FOXP1: variants seen among roughly 807,000 people sequenced by gnomAD.
FOXP1 encodes the protein forkhead box P1, also known as forkhead box protein P1.
Under a neutral mutation model 98.2 loss-of-function variants are expected in FOXP1, and 15 were observed. That is an observed-to-expected ratio of 0.15 (90% CI 0.10 to 0.24). The LOEUF is 0.24. FOXP1 is among the 10% of genes least tolerant of loss of function. FOXP1 has a pLI of 1.00. For missense variants in FOXP1, 633 were observed against 848.5 expected (o/e 0.75, Z 3.15); for synonymous variants, 371 against 314.5 (o/e 1.18, Z -1.90).
intron 6 of FOXP1, among the ~76,000 whole-genome samples, chr3:71,133,211 G>A (rs1420074728): frequency 6.6e-6 from 1 of 152,158 alleles, no homozygotes. Flanking sequence ...ATTTCTCATG[G>A]CCATTAGAAG....
At chr3:71,201,588 A>G (rs1385302092) in intron 5 of FOXP1, among the ~76,000 whole-genome samples, 1 of 152,140 alleles carries the variant, frequency 6.6e-6, no homozygotes. Context: ...CAGAGGTTGC[A>G]GTGAGCAGAC....
At chr3:71,060,637 TC>T in intron 7 of FOXP1, among the ~76,000 whole-genome samples, 1 of 152,230 alleles carries the variant, frequency 6.6e-6, no homozygotes, top group South Asian at 2.1e-4. Context: ...TAATGTATTC[TC>T]CCCTGTGTCA....
intron 5 of FOXP1, among the ~76,000 whole-genome samples, chr3:71,225,419 T>C (rs2065754615): frequency 6.6e-6 from 1 of 152,182 alleles, no homozygotes; most frequent in South Asian, 2.1e-4. Context: ...TCTAGGATAA[T>C]AAAAGCATGT....
In FOXP1 at chr3:71,001,053, G is replaced by A. The variant is rs2042064712; in HGVS notation, c.981C>T (p.Leu327=). The part of the protein sequence containing the change: ...CEDFQSFLKH[L]NSEHALDDRS... ...TATCGTCCAGCGCATGCTCACTGTT[G>A]AGATGTCTGCAACAATACATAGAAA... is the stretch of plus-strand genomic sequence containing the variant. The change falls in exon 13 of 21, where the codon CTC becomes CTT. Residue 327 remains leucine (L), a synonymous_variant. Coordinates refer to ENST00000649528, the MANE Select transcript of FOXP1 (RefSeq NM_001349338.3). 6.2e-7 allele frequency: 1 copy of A among 1,610,666 alleles called. No individual in the cohort carries two copies. Among genetic ancestry groups the A allele is most frequent in the Non-Finnish European group, 8.5e-7 (1 of 1,177,144 alleles).
intron 10 of FOXP1, 132 bp downstream of exon 10, chr3:71,046,810 C>T (rs2049092028): frequency 9.0e-7 from 1 of 1,106,668 alleles, no homozygotes; most frequent in Admixed American, 1.7e-5. Flanking sequence ...CATTATCCCA[C>T]TCCACTTTTC....
chr3:71,465,177 C>T (rs1487882880), intron 3 of FOXP1, among the ~76,000 whole-genome samples: 1 of 151,916 alleles, frequency 6.6e-6, no homozygotes, highest in Non-Finnish European at 1.5e-5. Flanking sequence ...CGTGGTGGCA[C>T]ATGTCTGTAA....
chr3:70,965,169 CTT>C (rs908855502), intron 20 of FOXP1, among the ~76,000 whole-genome samples: 14 of 152,210 alleles, frequency 9.2e-5, no homozygotes, highest in African/African-American at 3.1e-4. Context: ...TGTTTGAAAA[CTT>C]TTCCTGGGAG....
At chr3:71,007,173 A>G (rs2042915797) in intron 12 of FOXP1, among the ~76,000 whole-genome samples, 1 of 152,188 alleles carries the variant, frequency 6.6e-6, no homozygotes, top group Non-Finnish European at 1.5e-5. Context: ...AAAATGCATG[A>G]TAAGTAGAAA....
intron 7 of FOXP1, among the ~76,000 whole-genome samples, chr3:71,099,810 A>G (rs1487141469): frequency 6.6e-6 from 1 of 152,160 alleles, no homozygotes. Context: ...TACAATCTCC[A>G]AAACTCAACC....
intron 3 of FOXP1, among the ~76,000 whole-genome samples, chr3:71,366,538 G>T (rs554904706): frequency 2.0e-3 from 301 of 152,122 alleles, no homozygotes; most frequent in Admixed American, 4.3e-3. Flanking sequence ...ATGGGATTAC[G>T]GTCAGGATTT....
chr3:71,413,307 AGT>A (rs1321468370), intron 3 of FOXP1, among the ~76,000 whole-genome samples: 158 of 146,278 alleles, frequency 1.1e-3, no homozygotes, highest in African/African-American at 3.9e-3. Context: ...ACAGCCAACC[AGT>A]ATGGAACTGG....
chr3:71,362,280 T>C (rs1325875557), intron 3 of FOXP1, among the ~76,000 whole-genome samples: 7 of 152,210 alleles, frequency 4.6e-5, no homozygotes, highest in African/African-American at 1.7e-4. Flanking sequence ...CAAGCAATTC[T>C]TCTGCCTCAG....
At chr3:71,511,648 T>C (rs2042212991) in intron 2 of FOXP1, among the ~76,000 whole-genome samples, 1 of 152,224 alleles carries the variant, frequency 6.6e-6, no homozygotes, top group Non-Finnish European at 1.5e-5. Flanking sequence ...GACTTCCTTT[T>C]TTTTGGTTTT....
At chr3:71,266,844 T>C (rs1162849386) in intron 5 of FOXP1, among the ~76,000 whole-genome samples, 1 of 152,234 alleles carries the variant, frequency 6.6e-6, no homozygotes, top group Non-Finnish European at 1.5e-5. Flanking sequence ...GTTTCTGAGT[T>C]ATTTCACTTA....
intron 6 of FOXP1, among the ~76,000 whole-genome samples, chr3:71,144,958 T>A (rs1045215239): frequency 6.6e-6 from 1 of 152,210 alleles, no homozygotes; most frequent in African/African-American, 2.4e-5. Flanking sequence ...ATTGGCTTTT[T>A]TTGACTTAAT....
At chr3:71,301,715 A>T (rs1237637227) in intron 4 of FOXP1, among the ~76,000 whole-genome samples, 1 of 152,146 alleles carries the variant, frequency 6.6e-6, no homozygotes, top group Non-Finnish European at 1.5e-5. Context: ...TTAAAATTTA[A>T]TTTTTTTAAA....
chr3:71,356,116 G>C (rs1310834329), intron 4 of FOXP1, among the ~76,000 whole-genome samples: 1 of 149,760 alleles, frequency 6.7e-6, no homozygotes, highest in African/African-American at 2.5e-5. Context: ...CAGCCTGCAC[G>C]AGCGAAACCC....
intron 20 of FOXP1, among the ~76,000 whole-genome samples, chr3:70,960,997 C>T (rs375221999): frequency 8.3e-4 from 126 of 151,822 alleles, no homozygotes; most frequent in African/African-American, 2.7e-3. Flanking sequence ...CACCTGCCAC[C>T]GCGCCCGGCT....
chr3:71,199,580 G>GA (rs374062008), intron 5 of FOXP1, among the ~76,000 whole-genome samples: 112 of 147,302 alleles, frequency 7.6e-4, no homozygotes, highest in African/African-American at 2.4e-3. Flanking sequence ...TAGAAAAAAA[G>GA]AAAAAAAAAA....
Sources: gnomAD v4.1 joint callset for allele counts (sites outside exome capture counted in the v4.1 genomes callset) on GRCh38, gnomAD v4.1.1 for gene constraint, MANE v1.5 for transcripts, NCBI Gene and HGNC (gene_info 2026-07-23, HGNC 2026-07-21) for gene names.